The following CREM variants were observed in gnomAD, a reference collection of about 807,000 sequenced individuals.
The protein encoded by CREM is cAMP responsive element modulator, also known as cAMP-responsive element modulator.
In CREM, 13 loss-of-function variants were observed where a neutral mutation model predicts 37.3. That is an observed-to-expected ratio of 0.35 (90% CI 0.23 to 0.55). The LOEUF is 0.55. Among genes scored for constraint, CREM ranks in the 20% least tolerant of loss-of-function variants. CREM has a pLI of 0.88. For synonymous variants in CREM, 124 were observed against 120.2 expected, an observed-to-expected ratio of 1.03 and a Z score of -0.21; for missense variants, 296 against 362.3, an observed-to-expected ratio of 0.82 and a Z score of 1.49.
intron 2 of CREM, among the ~76,000 whole-genome samples, chr10:35,142,784 T>G (rs1403483761): frequency 6.6e-6 from 1 of 152,098 alleles, no homozygotes; most frequent in Non-Finnish European, 1.5e-5. Flanking sequence ...TTTTTTGTTT[T>G]CTATGTGGAG....
intron 6 of CREM, among the ~76,000 whole-genome samples, chr10:35,190,004 T>A (rs1437386660): frequency 1.3e-5 from 2 of 152,200 alleles, no homozygotes; most frequent in African/African-American, 4.8e-5. Flanking sequence ...CTTTAATGTT[T>A]TCTTGAAATG....
intron 3 of CREM, among the ~76,000 whole-genome samples, chr10:35,165,575 A>G (rs2132431914): frequency 6.6e-6 from 1 of 152,268 alleles, no homozygotes; most frequent in East Asian, 1.9e-4. Context: ...TTATTTTGAA[A>G]TACATTTGGC....
intron 2 of CREM, 139 bp downstream of exon 2, chr10:35,138,018 A>G: frequency 1.3e-5 from 7 of 521,228 alleles, no homozygotes; most frequent in Non-Finnish European, 2.1e-5. Context: ...CAAATTATTC[A>G]GCCATTCACT....
intron 3 of CREM, among the ~76,000 whole-genome samples, chr10:35,161,727 T>C (rs950045553): frequency 1.3e-4 from 20 of 151,692 alleles, no homozygotes; most frequent in African/African-American, 2.4e-4. Context: ...CAATGAGATA[T>C]CACCTTCCTC....
At chr10:35,195,772 A>G (rs2134001690) in intron 6 of CREM, 1 of 475,724 alleles carries the variant, frequency 2.1e-6, no homozygotes, top group South Asian at 2.5e-5. Context: ...TGAGTTCAAA[A>G]GGCTGATGTC....
At chr10:35,144,637 A>G (rs2135844588) in intron 2 of CREM, among the ~76,000 whole-genome samples, 1 of 152,296 alleles carries the variant, frequency 6.6e-6, no homozygotes, top group South Asian at 2.1e-4. Context: ...ATGAGATGGT[A>G]CGTTATCAAG....
Position 35,209,961 on chromosome 10 carries a change from G to A in CREM, c.756-1293G>A, listed in dbSNP as rs1148248. 4.5e-3 allele frequency among the ~76,000 whole-genome samples: 679 copies of A among 152,130 alleles called. 6 individuals are homozygous for A. Among genetic ancestry groups the A allele is most frequent in the African/African-American group, 0.016 (655 of 41,498 alleles). ...CCATTGTTCCTGGCTAGGAAGCAGG[G>A]GTTGATCTTTTCCTGCAGTTCATTT... is the stretch of plus-strand genomic sequence containing the variant. On this transcript the variant is annotated intron_variant, in intron 7 of 7. Coordinates refer to ENST00000685392, the MANE Select transcript of CREM (RefSeq NM_183011.2).
chr10:35,184,643 T>C (rs1164387986), intron 5 of CREM, among the ~76,000 whole-genome samples: 1 of 152,124 alleles, frequency 6.6e-6, no homozygotes, highest in Non-Finnish European at 1.5e-5. Context: ...GTTTAGCTTT[T>C]GTTTTCCATA....
chr10:35,188,147 T>C (rs1338138610), intron 5 of CREM, 53 bp from the exon 6 acceptor site: 3 of 1,506,034 alleles, frequency 2.0e-6, no homozygotes, highest in Non-Finnish European at 2.7e-6. Context: ...AATAGGGGAT[T>C]ATTAAAAATA....
intron 6 of CREM, among the ~76,000 whole-genome samples, chr10:35,199,041 C>T (rs1430853646): frequency 4.6e-5 from 7 of 152,112 alleles, no homozygotes; most frequent in African/African-American, 1.4e-4. Flanking sequence ...CCCAGCTACT[C>T]GGGAGGCTGA....
intron 3 of CREM, among the ~76,000 whole-genome samples, chr10:35,169,226 A>G (rs190918514): frequency 2.6e-5 from 4 of 152,212 alleles, no homozygotes; most frequent in African/African-American, 7.2e-5. Context: ...CTTCCTGTTC[A>G]TGAGCATGGA....
chr10:35,192,428 A>C (rs1221913261), intron 6 of CREM, among the ~76,000 whole-genome samples: 1 of 152,120 alleles, frequency 6.6e-6, no homozygotes, highest in East Asian at 1.9e-4. Context: ...AGCTCACTGC[A>C]ACCTCTGTCT....
At chr10:35,175,789 A>G in intron 3 of CREM, 2 of 1,613,660 alleles carry the variant, frequency 1.2e-6, no homozygotes, top group Non-Finnish European at 1.7e-6. Flanking sequence ...GTATTACTTA[A>G]AAATAGCAAA....
intron 3 of CREM, among the ~76,000 whole-genome samples, chr10:35,175,226 T>A (rs2093994935): frequency 6.6e-6 from 1 of 152,116 alleles, no homozygotes; most frequent in Admixed American, 6.5e-5. Context: ...GGTGGGCAGA[T>A]CACAAGGTCA....
intron 3 of CREM, among the ~76,000 whole-genome samples, chr10:35,168,499 C>G (rs922483288): frequency 2.0e-5 from 3 of 152,142 alleles, no homozygotes; most frequent in Admixed American, 6.6e-5. Flanking sequence ...TGGATATTAG[C>G]CCATTGTCAG....
chr10:35,150,703 C>T lies in CREM; in HGVS notation c.168+2212C>T, dbSNP rs1053480279. Among the ~76,000 whole-genome samples, 48 of 151,850 alleles carry T rather than the reference C, an allele frequency of 3.2e-4. 1 individual carries two copies. The highest frequency in any genetic ancestry group is 1.1e-3 in the African/African-American group (45 of 41,178). On this transcript the variant is annotated intron_variant, in intron 3 of 7. Coordinates refer to ENST00000685392, the MANE Select transcript of CREM (RefSeq NM_183011.2). ...GGTTATGGTGGCACACGCCTGTAGTCGCAGCTGCTCGGGAGGCTGAGGCAC... is the reference window on the plus strand; with the variant it reads ...GGTTATGGTGGCACACGCCTGTAGTTGCAGCTGCTCGGGAGGCTGAGGCAC...
intron 5 of CREM, among the ~76,000 whole-genome samples, chr10:35,186,947 T>TAAA (rs2094588785): frequency 1.0e-5 from 1 of 98,314 alleles, no homozygotes; most frequent in Non-Finnish European, 1.8e-5. Context: ...ACAATATAAA[T>TAAA]TATATATATA....
At chr10:35,209,315 TG>T (rs1263053260) in intron 7 of CREM, 1 of 985,344 alleles carries the variant, frequency 1.0e-6, no homozygotes, top group African/African-American at 1.7e-5. Context: ...TTTCCAGCCT[TG>T]TCAGAGTTTC....
chr10:35,156,128 A>C (rs1206159680), intron 3 of CREM, among the ~76,000 whole-genome samples: 1 of 150,604 alleles, frequency 6.6e-6, no homozygotes, highest in Non-Finnish European at 1.5e-5. Context: ...TTTAGTAGAG[A>C]TGGAGTTTCA....
Sources: allele counts gnomAD v4.1 joint callset (sites outside exome capture counted in the v4.1 genomes callset), GRCh38; gene constraint gnomAD v4.1.1; transcripts MANE v1.5; gene names NCBI Gene and HGNC (gene_info 2026-07-23, HGNC 2026-07-21).